DOCK1: variants seen among roughly 807,000 people sequenced by gnomAD.
DOCK1 encodes dedicator of cytokinesis 1, also known as dedicator of cytokinesis protein 1.
In DOCK1, 138 loss-of-function variants were observed where a neutral mutation model predicts 262.7. The ratio of observed to expected loss-of-function variants is 0.53; its 90% CI spans 0.46 to 0.61. The LOEUF (loss-of-function observed/expected upper bound fraction) is 0.61. DOCK1 is among the 20% of genes least tolerant of loss of function. The pLI, the probability that DOCK1 is intolerant of heterozygous loss-of-function variation, is 0.00. For missense variants in DOCK1, 1,908 were observed against 2,370.7 expected (o/e 0.80, Z 4.05); for synonymous variants, 866 against 867.4 (o/e 1.00, Z 0.03).
chr10:126,955,634 G>C (rs1372822873), intron 1 of DOCK1, among the ~76,000 whole-genome samples: 2 of 152,244 alleles, frequency 1.3e-5, no homozygotes, highest in South Asian at 2.1e-4. Context: ...AGAAGGCCCA[G>C]ATCTGGGGCA....
chr10:127,264,846 TCTTGGAGAGA>T (rs1301596872), intron 29 of DOCK1, among the ~76,000 whole-genome samples: 1 of 152,154 alleles, frequency 6.6e-6, no homozygotes, highest in Admixed American at 6.5e-5. Context: ...GGGTTTATTT[TCTTGGAGAGA>T]TGGGGTTTCG....
rs138474577 is a variant in DOCK1, at chr10:126,979,759, T to G, written c.171+1771T>G. ...GAATAAATCCAAGCTTTACAGAGAT[T>G]ATAAATTTGTAAGGGGCCTCCTAGG... On this transcript the variant is annotated intron_variant, in intron 3 of 51. Coordinates refer to ENST00000623213, the MANE Select transcript of DOCK1 (RefSeq NM_001290223.2). Among the ~76,000 whole-genome samples the G allele has an allele frequency of 3.8e-3, 583 of 152,234 alleles. 4 individuals carry two copies. Among genetic ancestry groups the G allele is most frequent in the African/African-American group, 0.012 (492 of 41,554 alleles).
intron 22 of DOCK1, among the ~76,000 whole-genome samples, chr10:127,058,305 A>G (rs1471249129): frequency 2.0e-5 from 3 of 152,024 alleles, no homozygotes; most frequent in Admixed American, 1.3e-4. Context: ...CTGTTGGTCT[A>G]TTCCTTAATC....
intron 27 of DOCK1, among the ~76,000 whole-genome samples, chr10:127,217,386 T>C (rs939494438): frequency 2.0e-5 from 3 of 152,206 alleles, no homozygotes; most frequent in African/African-American, 7.2e-5. Flanking sequence ...AATATGCTGA[T>C]TTACTGGAAA....
chr10:127,045,804 C>CT (rs2044309330), intron 21 of DOCK1, among the ~76,000 whole-genome samples: 3 of 152,174 alleles, frequency 2.0e-5, no homozygotes, highest in South Asian at 2.1e-4. Context: ...GACTGGGCTC[C>CT]TTTTTGTCCA....
intron 3 of DOCK1, among the ~76,000 whole-genome samples, chr10:126,980,371 A>AT: frequency 6.6e-6 from 1 of 151,908 alleles, no homozygotes; most frequent in Non-Finnish European, 1.5e-5. Context: ...TGTAAAAAAA[A>AT]TTTCGGCAGT....
chr10:127,117,756 G>A (rs1239688035), intron 25 of DOCK1, among the ~76,000 whole-genome samples: 4 of 152,124 alleles, frequency 2.6e-5, no homozygotes, highest in Non-Finnish European at 4.4e-5. Flanking sequence ...GCTGTATTTA[G>A]TCATGTGCAC....
intron 1 of DOCK1, among the ~76,000 whole-genome samples, chr10:126,947,547 ATGG>A (rs1334101859): frequency 1.3e-3 from 14 of 10,462 alleles, no homozygotes; most frequent in East Asian, 4.1e-3. Flanking sequence ...GTTGGTGGTG[ATGG>A]TGGTGGTTGG....
At chr10:127,414,799 T>A (rs144205326) in intron 43 of DOCK1, among the ~76,000 whole-genome samples, 2 of 152,374 alleles carry the variant, frequency 1.3e-5, no homozygotes, top group Admixed American at 6.5e-5. Context: ...TAAGACTTCT[T>A]TGGAGCCTTC....
intron 27 of DOCK1, among the ~76,000 whole-genome samples, chr10:127,228,796 A>G (rs1177960831): frequency 6.6e-6 from 1 of 152,232 alleles, no homozygotes; most frequent in Non-Finnish European, 1.5e-5. Flanking sequence ...TATTGTTTAA[A>G]TTGACGAATA....
intron 29 of DOCK1, among the ~76,000 whole-genome samples, chr10:127,264,022 T>A (rs763975704): frequency 6.6e-6 from 1 of 152,164 alleles, no homozygotes; most frequent in Non-Finnish European, 1.5e-5. Context: ...TACTTTTGCT[T>A]GAGAAAGGCA....
At chr10:127,444,048 C>T in intron 49 of DOCK1, 78 bp from the exon 50 acceptor site, 1 of 1,529,330 alleles carries the variant, frequency 6.5e-7, no homozygotes, top group Non-Finnish European at 8.8e-7. Flanking sequence ...GTCAGGACTT[C>T]AACATAGGAA....
chr10:127,409,840 A>C (rs2067740134), intron 42 of DOCK1, among the ~76,000 whole-genome samples: 1 of 152,318 alleles, frequency 6.6e-6, no homozygotes, highest in African/African-American at 2.4e-5. Flanking sequence ...CTGGTGACAC[A>C]CAGGAGAACC....
At chr10:126,915,433 G>GA (rs1491262696) in intron 1 of DOCK1, among the ~76,000 whole-genome samples, 21 of 148,908 alleles carry the variant, frequency 1.4e-4, no homozygotes, top group Non-Finnish European at 1.9e-4. Context: ...TTGGGGGCGG[G>GA]GGGGGGATGG....
At chr10:126,933,275 A>G (rs2034316300) in intron 1 of DOCK1, among the ~76,000 whole-genome samples, 1 of 152,222 alleles carries the variant, frequency 6.6e-6, no homozygotes, top group Non-Finnish European at 1.5e-5. Flanking sequence ...AGATGCCTAC[A>G]GCGGCAGCCT....
chr10:127,205,047 G>T (rs575243092), intron 27 of DOCK1, among the ~76,000 whole-genome samples: 5 of 149,438 alleles, frequency 3.3e-5, no homozygotes, highest in East Asian at 2.0e-4. Flanking sequence ...TTTATTGATG[G>T]TTTTTTTTTT....
chr10:126,954,524 C>T (rs1160549546), intron 1 of DOCK1, among the ~76,000 whole-genome samples: 1 of 152,244 alleles, frequency 6.6e-6, no homozygotes, highest in Non-Finnish European at 1.5e-5. Context: ...TCACCACCAT[C>T]CATTGCCAGA....
chr10:126,907,762 T>G (rs2031124337), intron 1 of DOCK1, among the ~76,000 whole-genome samples: 1 of 152,094 alleles, frequency 6.6e-6, no homozygotes, highest in African/African-American at 2.4e-5. Flanking sequence ...AACAGGGCGG[T>G]GCGCTTGAGT....
Position 127,248,085 on chromosome 10 carries a change from T to A in DOCK1, c.2925T>A (p.Phe975Leu). ...DYHYAHLIKT[F>L]GKMRTDVVDF... Reference sequence around the variant, plus strand: ...ATTATGCCCACTTGATCAAGACTTTTGGGAAAATGAGGACTGATGTGGTAG... The same window carrying A: ...ATTATGCCCACTTGATCAAGACTTTAGGGAAAATGAGGACTGATGTGGTAG... The change falls in exon 28 of 52, where the codon TTT (phenylalanine) becomes TTA (leucine). Residue 975 changes from phenylalanine (F) to leucine (L), a missense_variant. This residue lies in a region of DOCK1 where 518 missense variants were observed against 575.1 expected (regional missense o/e 0.90). Coordinates refer to ENST00000623213, the MANE Select transcript of DOCK1 (RefSeq NM_001290223.2). The A allele has an allele frequency of 6.2e-7, 1 of 1,613,990 alleles. No homozygotes were observed. Among genetic ancestry groups the A allele is most frequent in the Non-Finnish European group, 8.5e-7 (1 of 1,179,886 alleles).
Sources: allele counts gnomAD v4.1 joint callset (sites outside exome capture counted in the v4.1 genomes callset), GRCh38; gene constraint gnomAD v4.1.1; regional missense constraint gnomAD v4.1.1; transcripts MANE v1.5; gene names NCBI Gene and HGNC (gene_info 2026-07-23, HGNC 2026-07-21).